Variants in SRFBP1 observed in about 807,000 individuals in gnomAD.
The protein encoded by SRFBP1 is serum response factor binding protein 1.
Under a neutral mutation model 45.5 loss-of-function variants are expected in SRFBP1, and 47 were observed. The observed-to-expected ratio is 1.03, with a 90% CI of 0.82 to 1.32. The LOEUF (loss-of-function observed/expected upper bound fraction) is 1.32, where lower values mean the gene tolerates loss of function less well. Among genes scored for constraint, SRFBP1 ranks in the 40% most tolerant of loss-of-function variants. The pLI, the probability that SRFBP1 is intolerant of heterozygous loss-of-function variation, is 0.00. For missense variants in SRFBP1, 621 were observed against 484.6 expected (o/e 1.28, Z -2.64); for synonymous variants, 203 against 166.3 (o/e 1.22, Z -1.70).
At chr5:122,077,513 C>A (rs1800449), downstream of SRFBP1, 1 of 1,613,698 alleles carries the variant, frequency 6.2e-7, no homozygotes, top group Non-Finnish European at 8.5e-7. This position sits in a 1 kb window ranked among gnomAD's most constrained non-coding sequence, Gnocchi z 4.9. Context: ...GCTGGGCGGC[C>A]GCAGGTTACT....
chr5:121,999,618 A>G (rs984711367), intron 4 of SRFBP1, among the ~76,000 whole-genome samples: 1 of 152,008 alleles, frequency 6.6e-6, no homozygotes, highest in East Asian at 1.9e-4. Flanking sequence ...ATTTTGAAAC[A>G]TGTATGTTAG....
downstream of SRFBP1, chr5:122,077,965 C>A: frequency 6.8e-7 from 1 of 1,472,670 alleles, no homozygotes. This position sits in a 1 kb window ranked among gnomAD's most constrained non-coding sequence, Gnocchi z 4.9. Context: ...CGAGCAGGAG[C>A]ACGGTCCAGG....
At chr5:122,022,321 T>A in intron 6 of SRFBP1, 49 bp from the exon 7 acceptor site, 3 of 1,505,232 alleles carry the variant, frequency 2.0e-6, no homozygotes, top group Non-Finnish European at 2.7e-6. Context: ...TTTCTTAAGA[T>A]CAGAGGATTT....
Position 122,027,114 on chromosome 5 carries a change from G to T in SRFBP1, c.1278G>T (p.Thr426=). Residue 426 remains threonine, a synonymous_variant, in exon 8 of 8, where the codon ACG becomes ACT. Coordinates refer to ENST00000339397, the MANE Select transcript of SRFBP1 (RefSeq NM_152546.3). ...NIAVFQGKKI[T]FDD Reference sequence around the variant, plus strand: ...CTGTGTTTCAGGGGAAAAAAATTACGTTTGATGATTGATTAGTGCCTCTTT... The same window carrying T: ...CTGTGTTTCAGGGGAAAAAAATTACTTTTGATGATTGATTAGTGCCTCTTT... 5 of 1,598,522 alleles carry T rather than the reference G, an allele frequency of 3.1e-6. No homozygotes were observed. Among genetic ancestry groups the T allele is most frequent in the South Asian group, 1.1e-5 (1 of 87,386 alleles).
chr5:122,032,145 A>G (rs561075654), downstream of SRFBP1, among the ~76,000 whole-genome samples: 5 of 152,368 alleles, frequency 3.3e-5, no homozygotes, highest in East Asian at 1.9e-4. Flanking sequence ...AAAAAGATAT[A>G]TATAAAGTTC....
At chr5:121,977,869 T>G (rs1752335436) in intron 3 of SRFBP1, among the ~76,000 whole-genome samples, 1 of 152,146 alleles carries the variant, frequency 6.6e-6, no homozygotes, top group South Asian at 2.1e-4. Context: ...AAATCATAGG[T>G]TCTAATTTTA....
intron 2 of SRFBP1, among the ~76,000 whole-genome samples, chr5:122,048,318 G>T (rs150849251): frequency 2.0e-5 from 3 of 151,974 alleles, no homozygotes; most frequent in Non-Finnish European, 2.9e-5. Flanking sequence ...GGTTTTTGTC[G>T]TTGGTTCTGT....
At chr5:121,992,026 A>G (rs1430844320) in intron 3 of SRFBP1, among the ~76,000 whole-genome samples, 2 of 152,174 alleles carry the variant, frequency 1.3e-5, no homozygotes, top group Non-Finnish European at 2.9e-5. Context: ...GAATTATTTT[A>G]TAATACGAAG....
chr5:122,077,383 G>A, downstream of SRFBP1: 1 of 1,613,994 alleles, frequency 6.2e-7, no homozygotes. The surrounding 1 kb of genome is among the most constrained non-coding windows in gnomAD (Gnocchi z 4.9). Context: ...TGCCGTATCC[G>A]GGCCGGTACC....
chr5:122,019,719 CAT>C (rs1475905641), intron 5 of SRFBP1, among the ~76,000 whole-genome samples: 1 of 151,296 alleles, frequency 6.6e-6, no homozygotes, highest in African/African-American at 2.4e-5. Flanking sequence ...TTTTTTGTCA[CAT>C]GATACTGAAT....
chr5:122,014,991 T>G (rs567830687), intron 4 of SRFBP1, among the ~76,000 whole-genome samples: 139 of 152,336 alleles, frequency 9.1e-4, no homozygotes, highest in Non-Finnish European at 1.0e-3. Flanking sequence ...GAATTTCTTA[T>G]GTCTGTTTTA....
chr5:122,015,688 G>A (rs1219413710), intron 4 of SRFBP1, among the ~76,000 whole-genome samples: 1 of 152,220 alleles, frequency 6.6e-6, no homozygotes, highest in African/African-American at 2.4e-5. Flanking sequence ...GCCAATTCCT[G>A]GTTTTGAAAA....
At chr5:122,023,621 C>G (rs1440725720) in intron 7 of SRFBP1, among the ~76,000 whole-genome samples, 1 of 152,186 alleles carries the variant, frequency 6.6e-6, no homozygotes. Context: ...TCTTCATGGT[C>G]CGTGTCTAGG....
chr5:122,036,033 A>G (rs186459116), intron 2 of SRFBP1, among the ~76,000 whole-genome samples: 33 of 152,348 alleles, frequency 2.2e-4, no homozygotes, highest in African/African-American at 7.9e-4. Context: ...ACTTGGGAGA[A>G]TACAAGTATA....
At position 121,974,284 on chromosome 5, in the gene SRFBP1, A is replaced by C. The variant is rs1561576745; in HGVS notation, c.125A>C (p.Lys42Thr). Residue 42 changes from lysine to threonine, a missense_variant and splice_region_variant, in exon 2 of 8, where the codon AAG becomes ACG. Physicochemically the swap from Lys to Thr is moderately conservative, Grantham distance 78. Transcript: ENST00000339397. ...AGTGTTGGCCGACTGAAGTCAAAAA[A>C]GTTAGTCATTTAAAGTAATGATCTT... ...VRSVGRLKSK[K>T]GTEDALLKNQ... 3 of 1,607,480 alleles carry C rather than the reference A, an allele frequency of 1.9e-6. No homozygotes were observed. Among genetic ancestry groups the C allele is most frequent in the Non-Finnish European group, 2.6e-6 (3 of 1,174,932 alleles).
At chr5:122,045,802 CAG>C (rs1483591608) in intron 2 of SRFBP1, among the ~76,000 whole-genome samples, 1 of 152,128 alleles carries the variant, frequency 6.6e-6, no homozygotes, top group Non-Finnish European at 1.5e-5. Flanking sequence ...CATCTGCAAA[CAG>C]AAATATTTTA....
At chr5:122,030,212 A>G (rs937195740), downstream of SRFBP1, among the ~76,000 whole-genome samples, 4 of 152,236 alleles carry the variant, frequency 2.6e-5, no homozygotes, top group African/African-American at 9.6e-5. Context: ...ACCTTTCAGA[A>G]CTCTAGAATT....
At position 121,994,664 on chromosome 5, in the gene SRFBP1, CA is replaced by C; in HGVS notation, c.269del (p.Lys90SerfsTer14). On this transcript the variant is annotated frameshift_variant, in exon 4 of 8. Transcript: ENST00000339397. LOFTEE classifies it high-confidence loss of function. The part of the protein sequence containing the change: ...GDDINFEKIF[K>X]KPDSTATERA... ...ATGATATCAACTTTGAAAAAATCTTCAAAAAGGTATATCTGCAATAGATTAT... is the reference window on the plus strand; with the variant it reads ...ATGATATCAACTTTGAAAAAATCTTCAAAAGGTATATCTGCAATAGATTAT... 1.3e-6 allele frequency: 2 copies of C among 1,583,220 alleles called. No individual in the cohort carries two copies. The highest frequency in any genetic ancestry group is 1.7e-6 in the Non-Finnish European group (2 of 1,161,120).
At chr5:121,969,191 A>G (rs914736869) in intron 1 of SRFBP1, among the ~76,000 whole-genome samples, 1 of 152,212 alleles carries the variant, frequency 6.6e-6, no homozygotes, top group African/African-American at 2.4e-5. Flanking sequence ...TGTGTGAATG[A>G]GAAAGCTAGT....
Sources: allele counts gnomAD v4.1 joint callset (sites outside exome capture counted in the v4.1 genomes callset), GRCh38; gene constraint gnomAD v4.1.1; non-coding constraint Gnocchi (gnomAD v3.1); transcripts MANE v1.5; gene names NCBI Gene and HGNC (gene_info 2026-07-23, HGNC 2026-07-21).